THSD4: variants seen among roughly 807,000 people sequenced by gnomAD.
THSD4 encodes the protein thrombospondin type-1 domain-containing protein 4.
In THSD4, 69 loss-of-function variants were observed where a neutral mutation model predicts 119.0. The ratio of observed to expected loss-of-function variants is 0.58; its 90% CI spans 0.48 to 0.71. The LOEUF (loss-of-function observed/expected upper bound fraction) is 0.71, where lower values mean the gene tolerates loss of function less well. Among genes scored for constraint, THSD4 ranks in the 30% least tolerant of loss-of-function variants. The pLI is 0.00. For synonymous variants in THSD4, 524 were observed against 540.4 expected, an observed-to-expected ratio of 0.97 and a Z score of 0.42; for missense variants, 1,393 against 1,391.1, an observed-to-expected ratio of 1.00 and a Z score of -0.02.
At chr15:71,770,346 TAA>T (rs71131707) in intron 16 of THSD4, among the ~76,000 whole-genome samples, 58,257 of 127,190 alleles carry the variant, frequency 0.46, 14,923 homozygotes, top group Non-Finnish European at 0.59. Context: ...ATATGTCCTT[TAA>T]AAAAAAAAAA....
intron 6 of THSD4, among the ~76,000 whole-genome samples, chr15:71,283,037 T>G (rs1053423445): frequency 2.0e-5 from 3 of 149,550 alleles, no homozygotes; most frequent in Admixed American, 1.3e-4. Context: ...TGGCACAATC[T>G]CGGCTCACTG....
chr15:71,225,547 T>C (rs1002934762), intron 4 of THSD4, among the ~76,000 whole-genome samples: 2 of 79,848 alleles, frequency 2.5e-5, no homozygotes, highest in Non-Finnish European at 5.6e-5. Context: ...TTCTTTTTTT[T>C]TTTCTTTTTT....
chr15:71,587,750 G>T (rs1436982714), intron 7 of THSD4, among the ~76,000 whole-genome samples: 2 of 106,798 alleles, frequency 1.9e-5, no homozygotes, highest in African/African-American at 6.9e-5. Context: ...ATGTGCACAT[G>T]TACCCTAAAA....
chr15:71,618,200 C>G (rs1199423315), intron 7 of THSD4, among the ~76,000 whole-genome samples: 5 of 152,142 alleles, frequency 3.3e-5, no homozygotes, highest in Non-Finnish European at 5.9e-5. Context: ...TGGAGGTCAC[C>G]TTGTTTAGAT....
chr15:71,545,638 C>G (rs1450375810), intron 7 of THSD4, among the ~76,000 whole-genome samples: 1 of 152,200 alleles, frequency 6.6e-6, no homozygotes, highest in Non-Finnish European at 1.5e-5. Context: ...CATGAGGTTA[C>G]TCGGTAGATA....
At chr15:71,763,306 A>G (rs962235432) in intron 15 of THSD4, among the ~76,000 whole-genome samples, 1 of 152,108 alleles carries the variant, frequency 6.6e-6, no homozygotes, top group African/African-American at 2.4e-5. Flanking sequence ...CAGCAAAGCT[A>G]ATATTTAGAG....
rs1202299220 is a variant in THSD4, at chr15:71,781,625, T to C, written c.*4251T>C. The C allele has an allele frequency of 6.6e-6, 1 of 152,368 alleles. No homozygotes were observed. Among genetic ancestry groups the C allele is most frequent in the Non-Finnish European group, 1.5e-5 (1 of 68,170 alleles). 9.4% of individuals were successfully genotyped at this position (152,368 alleles called of 1,614,324 possible). A position where few individuals can be genotyped will look rare whatever the true frequency, so the allele number is the denominator to read the frequency against. On this transcript the variant is annotated 3_prime_UTR_variant, in exon 18 of 18. Transcript: ENST00000261862. ...CACTAGGGCACAAGGAGAGCTCTCC[T>C]AGGACCAGGACCAAGAAGCTACAGG...
At chr15:71,112,602 G>A (rs1000897209), upstream of THSD4, among the ~76,000 whole-genome samples, 1 of 152,244 alleles carries the variant, frequency 6.6e-6, no homozygotes, top group Non-Finnish European at 1.5e-5. Context: ...CCTCCAAGAT[G>A]CTGTGTATAG....
At chr15:71,442,194 G>A (rs1425509583) in intron 7 of THSD4, among the ~76,000 whole-genome samples, 1 of 151,802 alleles carries the variant, frequency 6.6e-6, no homozygotes, top group Admixed American at 6.6e-5. Flanking sequence ...TCCTGACCTC[G>A]TGATCCACCC....
rs1351838837 is a variant in THSD4, at chr15:71,779,776, G to A, written c.*2402G>A. 5 of 151,794 alleles carry A rather than the reference G, an allele frequency of 3.3e-5. No individual in the cohort carries two copies. In the East Asian group the frequency reaches 5.8e-4, roughly 18 times the overall value. The allele number at this position is 151,794 out of a possible 1,614,324, so 9.4% of individuals were successfully genotyped here. A position where few individuals can be genotyped will look rare whatever the true frequency, so the allele number is the denominator to read the frequency against. ...TGGGAATGGCCAGCCTGCCAACTGT[G>A]CAATTGAAGAAGACCCGATGGATCA... On this transcript the variant is annotated 3_prime_UTR_variant, in exon 18 of 18. Transcript: ENST00000261862.
At chr15:71,268,457 G>A (rs1414738079) in intron 6 of THSD4, among the ~76,000 whole-genome samples, 1 of 152,186 alleles carries the variant, frequency 6.6e-6, no homozygotes, top group African/African-American at 2.4e-5. Context: ...AGCTAAAGCA[G>A]TGTTGACAGG....
chr15:71,768,028 G>A (rs1347942776), intron 16 of THSD4, among the ~76,000 whole-genome samples: 1 of 152,098 alleles, frequency 6.6e-6, no homozygotes, highest in Non-Finnish European at 1.5e-5. Flanking sequence ...ATCATCATAG[G>A]ATGTTAGGGA....
At chr15:71,531,217 TTC>T (rs1363711808) in intron 7 of THSD4, among the ~76,000 whole-genome samples, 2 of 152,158 alleles carry the variant, frequency 1.3e-5, no homozygotes, top group Admixed American at 6.5e-5. Context: ...GGCTAAGGAC[TTC>T]TTAAATTCAG....
Position 71,125,258 on chromosome 15 carries a change from C to A in THSD4, c.-80+9560C>A, listed in dbSNP as rs541244557. 7.2e-5 allele frequency among the ~76,000 whole-genome samples: 11 copies of A among 152,342 alleles called. 1 individual carries two copies. In the South Asian group the frequency reaches 2.3e-3, roughly 32 times the overall value. The stretch of plus-strand genomic sequence containing the variant: ...GCTCTGCCTGACTCCCAACAGCCTG[C>A]TGGCTGGAGTTTGGAACTTGATTCT... On this transcript the variant is annotated intron_variant, in intron 1 of 17. Coordinates refer to ENST00000261862, the MANE Select transcript of THSD4 (RefSeq NM_024817.3).
At chr15:71,500,748 G>A (rs2048099149) in intron 7 of THSD4, among the ~76,000 whole-genome samples, 2 of 152,140 alleles carry the variant, frequency 1.3e-5, no homozygotes, top group African/African-American at 4.8e-5. Flanking sequence ...TTTCCCCATT[G>A]TGTAACCTTG....
In THSD4 at chr15:71,590,405, G is replaced by T. The variant is rs570447355; in HGVS notation, c.1153-70125G>T. Among the ~76,000 whole-genome samples, 44 of 137,608 alleles carry T rather than the reference G, an allele frequency of 3.2e-4. 8 individuals carry two copies. Among genetic ancestry groups the T allele is most frequent in the Non-Finnish European group, 5.9e-4 (36 of 60,592 alleles). 90.3% of individuals were successfully genotyped at this position (137,608 alleles called of 152,430 possible). A position where few individuals can be genotyped will look rare whatever the true frequency, so the allele number is the denominator to read the frequency against. On this transcript the variant is annotated intron_variant, in intron 7 of 17. Coordinates refer to ENST00000261862, the MANE Select transcript of THSD4 (RefSeq NM_024817.3). ...AAAAAGGAACATGATCATGTCCTTT[G>T]CAGGAACACGGATGGAGCTGGAAGC...
intron 7 of THSD4, among the ~76,000 whole-genome samples, chr15:71,412,313 A>T (rs2046700914): frequency 6.6e-6 from 1 of 152,190 alleles, no homozygotes. Context: ...GGAAGTTTTC[A>T]ACCTCCTTAG....
Position 71,593,917 on chromosome 15 carries a change from C to CT in THSD4, c.1153-66613_1153-66612insT, listed in dbSNP as rs201655785. On this transcript the variant is annotated intron_variant, in intron 7 of 17. Transcript: ENST00000261862. Reference sequence around the variant, plus strand: ...AGATCCTGACACCCCTTCCCACCCCCCCGGCAAAAAAAAAATCTTACTACC... The same window carrying CT: ...AGATCCTGACACCCCTTCCCACCCCCTCCGGCAAAAAAAAAATCTTACTACC... Among the ~76,000 whole-genome samples the CT allele has an allele frequency of 1.2e-3, 176 of 150,428 alleles. 2 individuals are homozygous for CT. The East Asian group carries it at 0.025, about 22-fold the overall frequency.
chr15:71,415,132 C>A (rs1215980077), intron 7 of THSD4, among the ~76,000 whole-genome samples: 1 of 152,228 alleles, frequency 6.6e-6, no homozygotes, highest in Non-Finnish European at 1.5e-5. Context: ...AATAGTGACA[C>A]AAAGCCTCTC....
Sources: gnomAD v4.1 joint callset for allele counts (sites outside exome capture counted in the v4.1 genomes callset) on GRCh38, gnomAD v4.1.1 for gene constraint, MANE v1.5 for transcripts, NCBI Gene and HGNC (gene_info 2026-07-23, HGNC 2026-07-21) for gene names.